CAMK1D: variants seen among roughly 807,000 people sequenced by gnomAD.
CAMK1D encodes calcium/calmodulin dependent protein kinase ID.
A neutral mutation model predicts 47.7 loss-of-function variants in CAMK1D; 9 were observed. The ratio of observed to expected loss-of-function variants is 0.19; its 90% CI spans 0.11 to 0.33. The LOEUF (loss-of-function observed/expected upper bound fraction) is 0.33. CAMK1D is among the 10% of genes least tolerant of loss of function. The pLI, the probability that CAMK1D is intolerant of heterozygous loss-of-function variation, is 1.00. For missense variants in CAMK1D, 291 were observed against 488.7 expected (o/e 0.60, Z 3.81); for synonymous variants, 184 against 184.9 (o/e 0.99, Z 0.04).
intron 3 of CAMK1D, among the ~76,000 whole-genome samples, chr10:12,669,226 T>G (rs951589451): frequency 4.4e-5 from 6 of 136,360 alleles, no homozygotes; most frequent in Non-Finnish European, 6.3e-5. Flanking sequence ...GGCAAGACTC[T>G]GTCTCGAAAC....
chr10:12,415,568 G>A (rs1839817037), intron 1 of CAMK1D, among the ~76,000 whole-genome samples: 1 of 150,304 alleles, frequency 6.7e-6, no homozygotes, highest in Non-Finnish European at 1.5e-5. Flanking sequence ...CCAAAGTGCT[G>A]GGATTACAGG....
intron 1 of CAMK1D, among the ~76,000 whole-genome samples, chr10:12,523,779 G>A (rs1021771400): frequency 2.0e-5 from 3 of 152,048 alleles, no homozygotes; most frequent in African/African-American, 7.2e-5. Context: ...AGAGGGAGAG[G>A]GAGCGGGAGA....
chr10:12,788,928 C>T (rs1378309803), intron 5 of CAMK1D, among the ~76,000 whole-genome samples: 1 of 152,188 alleles, frequency 6.6e-6, no homozygotes, highest in African/African-American at 2.4e-5. Flanking sequence ...AAATAAAAAT[C>T]TGATAGAAAG....
chr10:12,372,201 A>G (rs1176155052), intron 1 of CAMK1D, among the ~76,000 whole-genome samples: 1 of 152,144 alleles, frequency 6.6e-6, no homozygotes, highest in Non-Finnish European at 1.5e-5. Flanking sequence ...CAAATCTCCT[A>G]AAAGATGCAT....
At chr10:12,822,245 G>A (rs1229438720) in intron 8 of CAMK1D, among the ~76,000 whole-genome samples, 1 of 152,172 alleles carries the variant, frequency 6.6e-6, no homozygotes, top group Admixed American at 6.5e-5. Flanking sequence ...TGTCATTGCG[G>A]CTTGTACTTG....
At chr10:12,736,657 T>C (rs927198726) in intron 3 of CAMK1D, among the ~76,000 whole-genome samples, 12 of 152,360 alleles carry the variant, frequency 7.9e-5, no homozygotes, top group African/African-American at 2.9e-4. Flanking sequence ...ATGCATTTAC[T>C]GGGATATGTT....
At chr10:12,545,323 G>A (rs756624054) in intron 1 of CAMK1D, among the ~76,000 whole-genome samples, 9 of 48,656 alleles carry the variant, frequency 1.8e-4, no homozygotes, top group East Asian at 6.5e-4. Context: ...GGTGGTGTGC[G>A]TCTGTAGTTT....
chr10:12,546,703 C>T (rs534953605), intron 1 of CAMK1D, among the ~76,000 whole-genome samples: 10 of 151,368 alleles, frequency 6.6e-5, no homozygotes, highest in East Asian at 3.9e-4. Context: ...AGCAAACTAT[C>T]GCAAGGACAG....
At chr10:12,611,913 C>CT (rs1838638963) in intron 2 of CAMK1D, among the ~76,000 whole-genome samples, 1 of 152,096 alleles carries the variant, frequency 6.6e-6, no homozygotes, top group South Asian at 2.1e-4. Context: ...TTCGAGTTTT[C>CT]TTTTTGCCCC....
intron 3 of CAMK1D, among the ~76,000 whole-genome samples, chr10:12,756,770 CA>C (rs969079751): frequency 1.3e-5 from 2 of 151,764 alleles, no homozygotes; most frequent in Non-Finnish European, 2.9e-5. Flanking sequence ...ACTAAAAATA[CA>C]AAAAAAATTA....
intron 1 of CAMK1D, among the ~76,000 whole-genome samples, chr10:12,413,067 C>G (rs1310479093): frequency 6.6e-6 from 1 of 152,096 alleles, no homozygotes; most frequent in African/African-American, 2.4e-5. Context: ...TAAAGAAATA[C>G]CTGAGACTGG....
chr10:12,601,889 C>T (rs1317100445), intron 2 of CAMK1D, among the ~76,000 whole-genome samples: 2 of 152,240 alleles, frequency 1.3e-5, no homozygotes, highest in Non-Finnish European at 2.9e-5. Flanking sequence ...CATTAGGTAC[C>T]TGTGGACAAG....
intron 3 of CAMK1D, among the ~76,000 whole-genome samples, chr10:12,743,740 G>A (rs60017385): frequency 0.12 from 17,927 of 152,010 alleles, 2,613 homozygotes; most frequent in African/African-American, 0.34. Flanking sequence ...TGCCTGTTCC[G>A]GGCCAGGTGC....
intron 9 of CAMK1D, 121 bp from the exon 10 acceptor site, chr10:12,825,452 C>A: frequency 1.1e-6 from 1 of 896,652 alleles, no homozygotes; most frequent in Non-Finnish European, 1.7e-6. Context: ...TCTTGAGTAG[C>A]ATGAGAATGA....
At chr10:12,367,454 T>C (rs1290079122) in intron 1 of CAMK1D, among the ~76,000 whole-genome samples, 1 of 152,000 alleles carries the variant, frequency 6.6e-6, no homozygotes, top group Admixed American at 6.6e-5. Flanking sequence ...ACTTTATTCC[T>C]ATTATTATTA....
chr10:12,731,433 A>G (rs1042892282), intron 3 of CAMK1D, among the ~76,000 whole-genome samples: 1 of 152,198 alleles, frequency 6.6e-6, no homozygotes, highest in African/African-American at 2.4e-5. Context: ...GTTGTTGGAG[A>G]AAAGTCATGA....
chr10:12,648,569 C>G (rs1444481193), intron 2 of CAMK1D, among the ~76,000 whole-genome samples: 1 of 152,210 alleles, frequency 6.6e-6, no homozygotes, highest in Non-Finnish European at 1.5e-5. Flanking sequence ...CCCCCAGATT[C>G]AAGCGATTCT....
At chr10:12,358,058 C>T (rs1389050087) in intron 1 of CAMK1D, among the ~76,000 whole-genome samples, 1 of 151,956 alleles carries the variant, frequency 6.6e-6, no homozygotes, top group Non-Finnish European at 1.5e-5. Flanking sequence ...TTCAGCAGGA[C>T]TTAGAAATGG....
intron 1 of CAMK1D, among the ~76,000 whole-genome samples, chr10:12,463,074 C>T (rs1016443912): frequency 4.6e-5 from 7 of 151,642 alleles, no homozygotes; most frequent in South Asian, 4.2e-4. Flanking sequence ...AGTCCAAGAC[C>T]GATAACAGCA....
Sources: allele counts gnomAD v4.1 joint callset (sites outside exome capture counted in the v4.1 genomes callset), GRCh38; gene constraint gnomAD v4.1.1; transcripts MANE v1.5; gene names NCBI Gene and HGNC (gene_info 2026-07-23, HGNC 2026-07-21).